Variants in MCOLN3 observed in about 807,000 individuals in gnomAD.
MCOLN3 encodes mucolipin TRP cation channel 3, also known as mucolipin-3.
Under a neutral mutation model 69.4 loss-of-function variants are expected in MCOLN3, and 62 were observed. That is an observed-to-expected ratio of 0.89 (90% CI 0.73 to 1.10). MCOLN3 has a LOEUF of 1.10. Ranked by LOEUF, MCOLN3 falls within the 50% of genes least tolerant of loss-of-function variation. The probability of loss-of-function intolerance (pLI) is 0.00; values close to 1 mark genes in which losing one functional copy is unlikely to be tolerated. For missense variants in MCOLN3, 564 were observed against 656.4 expected (o/e 0.86, Z 1.54); for synonymous variants, 183 against 217.0 (o/e 0.84, Z 1.38).
In MCOLN3 at chr1:85,019,145, A is replaced by G. The variant is rs1335323161; in HGVS notation, c.1640T>C (p.Leu547Ser). The change falls in exon 13 of 13, where the codon TTA becomes TCA. Residue 547 changes from leucine to serine, a missense_variant. Transcript: ENST00000370589. Reference sequence around the variant, plus strand: ...TAGCTACTTTTTACAACAGCAGAATAAAGATACTGGAGGGTCATCTTCTAA... The same window carrying G: ...TAGCTACTTTTTACAACAGCAGAATGAAGATACTGGAGGGTCATCTTCTAA... ...YRLEDDPPVS[L>S]FCCCKK The G allele has an allele frequency of 2.5e-6, 4 of 1,613,658 alleles. No homozygotes were observed. The highest frequency in any genetic ancestry group is 2.2e-5 in the South Asian group (2 of 90,966).
chr1:85,035,924 T>TA (rs528185581), intron 3 of MCOLN3, among the ~76,000 whole-genome samples: 40 of 152,366 alleles, frequency 2.6e-4, no homozygotes, highest in South Asian at 1.2e-3. Context: ...TTCCTTGAGA[T>TA]AGACACAGGC....
At chr1:85,027,770 C>T (rs959243155) in intron 7 of MCOLN3, among the ~76,000 whole-genome samples, 2 of 152,110 alleles carry the variant, frequency 1.3e-5, no homozygotes, top group Non-Finnish European at 2.9e-5. Context: ...AAGAAAGAGC[C>T]ACCCTTATGG....
chr1:85,040,229 T>C (rs1652994377), intron 3 of MCOLN3, among the ~76,000 whole-genome samples: 1 of 152,194 alleles, frequency 6.6e-6, no homozygotes, highest in Non-Finnish European at 1.5e-5. Context: ...CTTCATGCCA[T>C]AAATATGTAT....
At chr1:85,027,699 T>C (rs1042008097) in intron 7 of MCOLN3, among the ~76,000 whole-genome samples, 4 of 152,268 alleles carry the variant, frequency 2.6e-5, no homozygotes, top group East Asian at 1.9e-4. Flanking sequence ...TTGATTTATA[T>C]TGCATAGTAA....
rs188422483 is a variant in MCOLN3, at chr1:85,039,115, T to C, written c.396+1895A>G. ...TCATTAACACTCAAAACCCTACTTATTCATAAAAATTTTGATCAAGACACT... is the reference window on the plus strand; with the variant it reads ...TCATTAACACTCAAAACCCTACTTACTCATAAAAATTTTGATCAAGACACT... On this transcript the variant is annotated intron_variant, in intron 3 of 12. Transcript: ENST00000370589. Among the ~76,000 whole-genome samples the C allele has an allele frequency of 2.6e-5, 4 of 152,330 alleles. No individual in the cohort carries two copies. The East Asian group carries it at 7.7e-4, about 29-fold the overall frequency.
Position 85,041,043 on chromosome 1 carries a change from G to C in MCOLN3, c.363C>G (p.Asp121Glu), listed in dbSNP as rs755910879. 5 of 1,613,414 alleles carry C rather than the reference G, an allele frequency of 3.1e-6. No homozygotes were observed. The African/African-American group carries it at 6.7e-5, about 22-fold the overall frequency. The change falls in exon 3 of 13, where the codon GAC becomes GAG. Residue 121 changes from aspartate (D) to glutamate (E), a missense_variant. Coordinates refer to ENST00000370589, the MANE Select transcript of MCOLN3 (RefSeq NM_018298.11). ...DDTYAVYTQS[D>E]VYDQLIFAVN... ...CTGCGAAGATTAACTGATCATACAC[G>C]TCACTTTGTGTGTACACTGCATATG... is the stretch of plus-strand genomic sequence containing the variant.
At chr1:85,028,201 G>GA (rs1203728110) in intron 7 of MCOLN3, among the ~76,000 whole-genome samples, 2 of 152,066 alleles carry the variant, frequency 1.3e-5, no homozygotes, top group Non-Finnish European at 2.9e-5. Flanking sequence ...ACCTATTAGT[G>GA]AAAAAAATAC....
In MCOLN3 at chr1:85,041,105, G is replaced by A; in HGVS notation, c.301C>T (p.Leu101Phe). Reference sequence around the variant, plus strand: ...CGGTCCATATATCCTTTTAGGAAAAGGTGTTTGAATGCTATAGTATTCTCT... The same window carrying A: ...CGGTCCATATATCCTTTTAGGAAAAAGTGTTTGAATGCTATAGTATTCTCT... Reference protein sequence around the residue: ...KEENTIAFKHLFLKGYMDRMD... With the variant: ...KEENTIAFKHFFLKGYMDRMD... The change falls in exon 3 of 13, where the codon CTT (leucine) becomes TTT (phenylalanine). Residue 101 changes from leucine (L) to phenylalanine (F), a missense_variant. Leu to Phe is a conservative substitution (Grantham distance 22). Transcript: ENST00000370589. The A allele has an allele frequency of 6.2e-7, 1 of 1,614,020 alleles. No homozygotes were observed. The highest frequency in any genetic ancestry group is 8.5e-7 in the Non-Finnish European group (1 of 1,179,962).
At chr1:85,024,493 C>T (rs1319441198) in intron 9 of MCOLN3, 1 of 151,490 alleles carries the variant, frequency 6.6e-6, no homozygotes, top group Non-Finnish European at 1.5e-5. Flanking sequence ...TATATTGGCA[C>T]TGATGGCAGG....
chr1:85,038,120 CAGAA>C (rs1652885964), intron 3 of MCOLN3, among the ~76,000 whole-genome samples: 1 of 152,102 alleles, frequency 6.6e-6, no homozygotes, highest in Non-Finnish European at 1.5e-5. Context: ...CAACCTAAGC[CAGAA>C]GACCAGAAGG....
At chr1:85,044,319 A>T (rs1464902333) in intron 2 of MCOLN3, among the ~76,000 whole-genome samples, 1 of 152,068 alleles carries the variant, frequency 6.6e-6, no homozygotes, top group African/African-American at 2.4e-5. Flanking sequence ...TGTTTTTTTT[A>T]ATCTCTCCTT....
chr1:85,026,057 T>A lies in MCOLN3; in HGVS notation c.977A>T (p.Lys326Met). The change falls in exon 9 of 13, where the codon AAG (lysine) becomes ATG (methionine). Residue 326 changes from lysine to methionine, a missense_variant. Physicochemically the swap from Lys to Met is moderately conservative, Grantham distance 95. Transcript: ENST00000370589. ...EFVNFFLLHY[K>M]KEVSVSDQME... is the part of the protein sequence containing the mutation. Reference sequence around the variant, plus strand: ...TTGATCAGAAACAGAAACTTCCTTCTTATAATGGAGGAGGAAAAAATTGAC... The same window carrying A: ...TTGATCAGAAACAGAAACTTCCTTCATATAATGGAGGAGGAAAAAATTGAC... 1 of 1,602,284 alleles carries A rather than the reference T, an allele frequency of 6.2e-7. No individual in the cohort carries two copies.
chr1:85,041,981 GCA>G (rs1373382129), intron 2 of MCOLN3, among the ~76,000 whole-genome samples: 1 of 146,202 alleles, frequency 6.8e-6, no homozygotes, highest in Non-Finnish European at 1.5e-5. Flanking sequence ...TGCACACACA[GCA>G]CACACAGGCA....
rs555890379 is a variant in MCOLN3 at position 85,029,094 on chromosome 1, C to A, written c.832+12G>T. 1 of 1,475,618 alleles carries A rather than the reference C, an allele frequency of 6.8e-7. No homozygotes were observed. Among genetic ancestry groups the A allele is most frequent in the Admixed American group, 1.7e-5 (1 of 59,408 alleles). 91.4% of individuals were successfully genotyped at this position (1,475,618 alleles called of 1,614,324 possible). Reference sequence around the variant, plus strand: ...ATAACCATTCTGAAAACTAGTAATGCGCATCACTTACTTGATCCAGATACA... The same window carrying A: ...ATAACCATTCTGAAAACTAGTAATGAGCATCACTTACTTGATCCAGATACA... On this transcript the variant is annotated intron_variant, in intron 7 of 12. Coordinates refer to ENST00000370589, the MANE Select transcript of MCOLN3 (RefSeq NM_018298.11).
At chr1:85,038,851 T>A (rs1381265184) in intron 3 of MCOLN3, among the ~76,000 whole-genome samples, 1 of 151,664 alleles carries the variant, frequency 6.6e-6, no homozygotes, top group Non-Finnish European at 1.5e-5. Context: ...AAAAATTAGC[T>A]GGGGGTAGTG....
At chr1:85,028,412 A>T (rs1269600223) in intron 7 of MCOLN3, among the ~76,000 whole-genome samples, 1 of 152,176 alleles carries the variant, frequency 6.6e-6, no homozygotes, top group East Asian at 1.9e-4. Context: ...ACCCAGGATG[A>T]TTCTTCTGCT....
rs1275643923 is a variant in MCOLN3 at position 85,018,552 on chromosome 1, T to A, written c.*571A>T. The stretch of plus-strand genomic sequence containing the variant: ...ACACATTTCTCAGAACATATCTCCA[T>A]CCTTAAGTGACATATGGCCGTATCA... On this transcript the variant is annotated 3_prime_UTR_variant, in exon 13 of 13. Coordinates refer to ENST00000370589, the MANE Select transcript of MCOLN3 (RefSeq NM_018298.11). The A allele has an allele frequency of 1.3e-5, 2 of 152,438 alleles. No individual in the cohort carries two copies. The highest frequency in any genetic ancestry group is 2.9e-5 in the Non-Finnish European group (2 of 68,250). The allele number at this position is 152,438 out of a possible 1,614,324, so 9.4% of individuals were successfully genotyped here.
chr1:85,032,715 C>T lies in MCOLN3; in HGVS notation c.713G>A (p.Cys238Tyr). 1 of 1,613,608 alleles carries T rather than the reference C, an allele frequency of 6.2e-7. No homozygotes were observed. The highest frequency in any genetic ancestry group is 8.5e-7 in the Non-Finnish European group (1 of 1,179,528). Reference sequence around the variant, plus strand: ...ACTTACAGTCAGAGTAAAGTCATAACAGTCAGGGAGTTCTTGATGACGAAC... The same window carrying T: ...ACTTACAGTCAGAGTAAAGTCATAATAGTCAGGGAGTTCTTGATGACGAAC... ...QTVRHQELPD[C>Y]YDFTLTITFD... Residue 238 changes from cysteine to tyrosine, a missense_variant, in exon 6 of 13, where the codon TGT becomes TAT. By Grantham distance (194) the Cys-to-Tyr change is radical. Coordinates refer to ENST00000370589, the MANE Select transcript of MCOLN3 (RefSeq NM_018298.11).
At chr1:85,041,470 G>A (rs902863265) in intron 2 of MCOLN3, among the ~76,000 whole-genome samples, 3 of 152,128 alleles carry the variant, frequency 2.0e-5, no homozygotes, top group African/African-American at 4.8e-5. Flanking sequence ...TAATAGTCAC[G>A]CAGGATTGAC....
Sources: allele counts gnomAD v4.1 joint callset (sites outside exome capture counted in the v4.1 genomes callset), GRCh38; gene constraint gnomAD v4.1.1; transcripts MANE v1.5; gene names NCBI Gene and HGNC (gene_info 2026-07-23, HGNC 2026-07-21).